Variants in SCN9A observed in about 807,000 individuals in gnomAD.
SCN9A encodes the protein sodium voltage-gated channel alpha subunit 9.
A neutral mutation model predicts 187.0 loss-of-function variants in SCN9A; 131 were observed. That is an observed-to-expected ratio of 0.70 (90% CI 0.61 to 0.81). SCN9A has a LOEUF of 0.81. SCN9A is among the 30% of genes least tolerant of loss of function. The probability of loss-of-function intolerance (pLI) is 0.00; values close to 1 mark genes in which losing one functional copy is unlikely to be tolerated. For missense variants in SCN9A, 2,252 were observed against 2,396.6 expected (o/e 0.94, Z 1.26); for synonymous variants, 809 against 808.6 (o/e 1.00, Z -0.01).
chr2:166,225,364 A>G (rs1331623614), intron 24 of SCN9A, among the ~76,000 whole-genome samples: 1 of 152,018 alleles, frequency 6.6e-6, no homozygotes, highest in African/African-American at 2.4e-5. Flanking sequence ...TGTCATGTAT[A>G]TTTTTTGTGC....
At chr2:166,305,668 T>C (rs1475047767) in intron 5 of SCN9A, 124 bp downstream of exon 5, 2 of 1,327,436 alleles carry the variant, frequency 1.5e-6, no homozygotes, top group Non-Finnish European at 2.1e-6. Flanking sequence ...ATAGCTTCCA[T>C]TTTCCTTTAA....
intron 24 of SCN9A, among the ~76,000 whole-genome samples, chr2:166,215,386 A>T (rs1694287029): frequency 6.6e-6 from 1 of 152,166 alleles, no homozygotes; most frequent in South Asian, 2.1e-4. Flanking sequence ...TACATCTTAG[A>T]GATTAGAAAA....
At chr2:166,244,370 C>T (rs1695698000) in intron 18 of SCN9A, among the ~76,000 whole-genome samples, 1 of 151,990 alleles carries the variant, frequency 6.6e-6, no homozygotes, top group Non-Finnish European at 1.5e-5. Context: ...GTGCTGAAAG[C>T]AGACCATACC....
rs199822303 is a variant in SCN9A, at chr2:166,198,694, T to A, written c.5945A>T (p.Asp1982Val). The A allele has an allele frequency of 8.5e-5, 137 of 1,604,186 alleles. No homozygotes were observed. Among genetic ancestry groups the A allele is most frequent in the Non-Finnish European group, 1.1e-4 (125 of 1,175,816 alleles). The change falls in exon 27 of 27, where the codon GAC becomes GTC. Residue 1982 changes from aspartate (D) to valine (V), a missense_variant. Physicochemically the swap from Asp to Val is radical, Grantham distance 152. Around this residue, in one of 7 missense-constraint regions of SCN9A, gnomAD observed 345 missense variants for 344.6 expected, o/e 1.00. Coordinates refer to ENST00000642356, the MANE Select transcript of SCN9A (RefSeq NM_001365536.1). ...DRTEKEDKGK[D>V]SKESKK Reference sequence around the variant, plus strand: ...GCTCTATTTTTTGCTTTCCTTGCTGTCTTTCCCTTTGTCTTCCTTTTCTGT... The same window carrying A: ...GCTCTATTTTTTGCTTTCCTTGCTGACTTTCCCTTTGTCTTCCTTTTCTGT...
intron 17 of SCN9A, among the ~76,000 whole-genome samples, chr2:166,256,408 A>T (rs1232674319): frequency 1.3e-5 from 2 of 151,242 alleles, no homozygotes; most frequent in Non-Finnish European, 3.0e-5. Context: ...AAAATCACTG[A>T]AGCTCAGGAA....
Position 166,300,864 on chromosome 2 carries a change from A to G in SCN9A, c.901+2226T>C, listed in dbSNP as rs923162790. The stretch of plus-strand genomic sequence containing the variant: ...ATTCATGTTTAAATATAATATAAAG[A>G]TAATTCACATAACTCAAGGGCTCTA... On this transcript the variant is annotated intron_variant, in intron 7 of 26. Transcript: ENST00000642356. 5 of 150,814 alleles carry G rather than the reference A, an allele frequency of 3.3e-5. 1 individual carries two copies. The highest frequency in any genetic ancestry group is 1.2e-4 in the African/African-American group (5 of 40,228). 9.3% of individuals were successfully genotyped at this position (150,814 alleles called of 1,614,324 possible). A position where few individuals can be genotyped will look rare whatever the true frequency, so the allele number is the denominator to read the frequency against.
chr2:166,338,791 C>A, intron 1 of SCN9A, among the ~76,000 whole-genome samples: 1 of 152,022 alleles, frequency 6.6e-6, no homozygotes, highest in Non-Finnish European at 1.5e-5. Context: ...TTGTAGAATG[C>A]GTCTCAACTT....
At chr2:166,279,914 C>A (rs145916866) in intron 14 of SCN9A, among the ~76,000 whole-genome samples, 8 of 152,140 alleles carry the variant, frequency 5.3e-5, no homozygotes, top group African/African-American at 1.9e-4. Context: ...GCAGAATCAG[C>A]ATTCAAACCC....
At chr2:166,372,103 AGTGT>A (rs1700579536) in intron 1 of SCN9A, among the ~76,000 whole-genome samples, 1 of 138,194 alleles carries the variant, frequency 7.2e-6, no homozygotes, top group Non-Finnish European at 1.6e-5. Flanking sequence ...TGTGTGTGTG[AGTGT>A]GAGTGTGTGT....
chr2:166,278,482 C>G (rs373564095), intron 14 of SCN9A, among the ~76,000 whole-genome samples, 169 bp from the exon 15 acceptor site: 1 of 152,134 alleles, frequency 6.6e-6, no homozygotes, highest in Non-Finnish European at 1.5e-5. Context: ...TATTGCTCTT[C>G]CCTGGCTCCC....
rs916569841 is a variant in SCN9A, at chr2:166,367,212, C to A, written c.-51+8485G>T. Reference sequence around the variant, plus strand: ...AGCTCCAGGATCTCAACGTGTGTAACTTCATTCCCTGTTTCTTCTCCATTT... The same window carrying A: ...AGCTCCAGGATCTCAACGTGTGTAAATTCATTCCCTGTTTCTTCTCCATTT... On this transcript the variant is annotated intron_variant, in intron 1 of 26. Transcript: ENST00000642356. 2.6e-5 allele frequency among the ~76,000 whole-genome samples: 4 copies of A among 152,156 alleles called. No homozygotes were observed. In the East Asian group the frequency reaches 7.7e-4, roughly 29 times the overall value.
intron 1 of SCN9A, among the ~76,000 whole-genome samples, chr2:166,314,680 C>T (rs6760472): frequency 0.68 from 103,792 of 152,104 alleles, 36,804 homozygotes; most frequent in African/African-American, 0.88. Flanking sequence ...ATGAAAACCC[C>T]GTGAAAGAAC....
At chr2:166,368,003 T>C (rs564241971) in intron 1 of SCN9A, among the ~76,000 whole-genome samples, 1 of 152,376 alleles carries the variant, frequency 6.6e-6, no homozygotes, top group South Asian at 2.1e-4. Flanking sequence ...TAAACATATT[T>C]GATAGAATGC....
Position 166,195,752 on chromosome 2 carries a change from T to C in SCN9A, c.*2920A>G, listed in dbSNP as rs1448580895. 1.3e-5 allele frequency: 2 copies of C among 152,208 alleles called. No homozygotes were observed. Among genetic ancestry groups the C allele is most frequent in the Non-Finnish European group, 2.9e-5 (2 of 68,038 alleles). 9.4% of individuals were successfully genotyped at this position (152,208 alleles called of 1,614,324 possible). ...GTTCTCTAATTTTCATCCGAAAGATTTGTGTTCAAACCTGTTTGGGGCATG... is the reference window on the plus strand; with the variant it reads ...GTTCTCTAATTTTCATCCGAAAGATCTGTGTTCAAACCTGTTTGGGGCATG... On this transcript the variant is annotated 3_prime_UTR_variant, in exon 27 of 27. Transcript: ENST00000642356.
intron 23 of SCN9A, 132 bp from the exon 24 acceptor site, chr2:166,226,836 T>G (rs1694861731): frequency 1.9e-6 from 1 of 535,206 alleles, no homozygotes; most frequent in Non-Finnish European, 3.1e-6. Flanking sequence ...ATAGCATTGT[T>G]GAGGTTTAAC....
chr2:166,200,887 C>T lies in SCN9A; in HGVS notation c.4775-1023G>A, dbSNP rs1190114919. Among the ~76,000 whole-genome samples the T allele has an allele frequency of 5.3e-5, 8 of 152,252 alleles. 1 individual carries two copies. The East Asian group carries it at 5.8e-4, about 11-fold the overall frequency. ...TGACTTCAAGTGATTTCGCCCACCTCGGCCTCCCAATGTGCTGGGATTATA... is the reference window on the plus strand; with the variant it reads ...TGACTTCAAGTGATTTCGCCCACCTTGGCCTCCCAATGTGCTGGGATTATA... On this transcript the variant is annotated intron_variant, in intron 26 of 26. Coordinates refer to ENST00000642356, the MANE Select transcript of SCN9A (RefSeq NM_001365536.1).
chr2:166,286,581 T>C lies in SCN9A; in HGVS notation c.1357A>G (p.Ser453Gly). 1 of 1,597,132 alleles carries C rather than the reference T, an allele frequency of 6.3e-7. No homozygotes were observed. The change falls in exon 11 of 27, where the codon AGC becomes GGC. Residue 453 changes from serine (S) to glycine (G), a missense_variant. Transcript: ENST00000642356. Reference protein sequence around the residue: ...AAAEYTSIRRSRIMGLSESSS... With the variant: ...AAAEYTSIRRGRIMGLSESSS... ...CTCTCTGAGAGGCCCATAATTCTGC[T>C]TCTCCTAATACTTGTATATTCAGCC...
At chr2:166,342,410 C>A (rs1699807866) in intron 1 of SCN9A, among the ~76,000 whole-genome samples, 1 of 152,094 alleles carries the variant, frequency 6.6e-6, no homozygotes, top group South Asian at 2.1e-4. Context: ...TCCTGCCTTT[C>A]CTTAAGGTGA....
intron 1 of SCN9A, among the ~76,000 whole-genome samples, chr2:166,368,322 T>C (rs772196281): frequency 7.2e-5 from 11 of 152,176 alleles, no homozygotes; most frequent in Non-Finnish European, 1.6e-4. Context: ...CTTTTCCGTA[T>C]GTATTTTTCC....
Sources: allele counts gnomAD v4.1 joint callset (sites outside exome capture counted in the v4.1 genomes callset), GRCh38; gene constraint gnomAD v4.1.1; regional missense constraint gnomAD v4.1.1; transcripts MANE v1.5; gene names NCBI Gene and HGNC (gene_info 2026-07-23, HGNC 2026-07-21).